Variants in KCNG3 observed in about 807,000 individuals in gnomAD.
KCNG3 encodes the protein voltage-gated potassium channel regulatory subunit KCNG3.
A neutral mutation model predicts 29.0 loss-of-function variants in KCNG3; 15 were observed. The ratio of observed to expected loss-of-function variants is 0.52; its 90% CI spans 0.35 to 0.80. The LOEUF (loss-of-function observed/expected upper bound fraction) is 0.80, where lower values mean the gene tolerates loss of function less well. Ranked by LOEUF, KCNG3 falls within the 30% of genes least tolerant of loss-of-function variation. The pLI is 0.01. For synonymous variants in KCNG3, 322 were observed against 248.9 expected, an observed-to-expected ratio of 1.29 and a Z score of -2.76; for missense variants, 512 against 605.7, an observed-to-expected ratio of 0.85 and a Z score of 1.62.
chr2:42,404,149 T>G, the KCNG3 span, among the ~76,000 whole-genome samples: 1 of 152,226 alleles, frequency 6.6e-6, no homozygotes, highest in Non-Finnish European at 1.5e-5. Context: ...CCTAGTCAGT[T>G]AATTTTATTA....
chr2:42,480,898 A>T (rs560317130), intron 1 of KCNG3, among the ~76,000 whole-genome samples: 1 of 151,858 alleles, frequency 6.6e-6, no homozygotes, highest in East Asian at 1.9e-4. Flanking sequence ...TTTGTGCCTC[A>T]GTCTCCCTAG....
chr2:42,444,764 T>C lies in KCNG3; in HGVS notation c.666-185A>G, dbSNP rs1359082656. Among the ~76,000 whole-genome samples the C allele has an allele frequency of 6.6e-6, 1 of 152,008 alleles. No homozygotes were observed. Among genetic ancestry groups the C allele is most frequent in the Non-Finnish European group, 1.5e-5 (1 of 68,004 alleles). ...TGCACGCAACAGAACAACAAATCAA[T>C]TCAGATGAAAATTGAGACCAGGTGC... On this transcript the variant is annotated intron_variant, in intron 1 of 1. Transcript: ENST00000306078. This position sits in a 1 kb window ranked among gnomAD's most constrained non-coding sequence, Gnocchi z 5.8.
At chr2:42,430,846 A>G in the KCNG3 span, among the ~76,000 whole-genome samples, 2 of 152,192 alleles carry the variant, frequency 1.3e-5, no homozygotes, top group African/African-American at 4.8e-5. Flanking sequence ...GTGGTGGCTC[A>G]CACATGTAAT....
At chr2:42,473,606 T>A (rs1205486024) in intron 1 of KCNG3, among the ~76,000 whole-genome samples, 1 of 152,036 alleles carries the variant, frequency 6.6e-6, no homozygotes, top group Non-Finnish European at 1.5e-5. Flanking sequence ...TGCCTCAGCC[T>A]CCCAAAGTGC....
At chr2:42,462,482 G>C (rs1362605642) in intron 1 of KCNG3, among the ~76,000 whole-genome samples, 1 of 152,112 alleles carries the variant, frequency 6.6e-6, no homozygotes, top group East Asian at 1.9e-4. Context: ...AGGAGTTGGA[G>C]ACCAGCCTGG....
At chr2:42,492,201 G>T (rs1459054584) in intron 1 of KCNG3, among the ~76,000 whole-genome samples, 2 of 152,086 alleles carry the variant, frequency 1.3e-5, no homozygotes, top group African/African-American at 4.8e-5. Context: ...TCTGAAAGTC[G>T]CAGTGTGAAT....
the KCNG3 span, among the ~76,000 whole-genome samples, chr2:42,430,747 C>G: frequency 2.0e-5 from 3 of 152,108 alleles, no homozygotes; most frequent in Non-Finnish European, 1.5e-5. Flanking sequence ...TTATGAAATT[C>G]TGTTTCAAAA....
At chr2:42,475,607 G>A (rs1164630051) in intron 1 of KCNG3, among the ~76,000 whole-genome samples, 1 of 150,134 alleles carries the variant, frequency 6.7e-6, no homozygotes, top group Non-Finnish European at 1.5e-5. Context: ...TGTGATTACA[G>A]GCATGAGCTG....
At chr2:42,404,939 C>A in the KCNG3 span, among the ~76,000 whole-genome samples, 1 of 152,176 alleles carries the variant, frequency 6.6e-6, no homozygotes, top group Non-Finnish European at 1.5e-5. Flanking sequence ...ACTCCCCAGA[C>A]CCCCAAAGCC....
At chr2:42,402,444 G>A in the KCNG3 span, among the ~76,000 whole-genome samples, 2,273 of 152,310 alleles carry the variant, frequency 0.015, 32 homozygotes, top group Non-Finnish European at 0.024. Context: ...CCAGCACTTT[G>A]GGAGGCCAAG....
chr2:42,428,458 GGAAAAAA>G, the KCNG3 span, among the ~76,000 whole-genome samples: 25 of 104,526 alleles, frequency 2.4e-4, no homozygotes, highest in South Asian at 1.0e-3. Context: ...CCCGGTCTCG[GGAAAAAA>G]AAAAAAAAAA....
chr2:42,493,508 C>G lies in KCNG3; in HGVS notation c.-7G>C. 2 of 1,366,928 alleles carry G rather than the reference C, an allele frequency of 1.5e-6. No homozygotes were observed. Among genetic ancestry groups the G allele is most frequent in the South Asian group, 1.8e-5 (1 of 55,198 alleles). 84.7% of individuals were successfully genotyped at this position (1,366,928 alleles called of 1,614,324 possible). ...CGCTGCGCCCGAAGGTCATGGCTGGCCGCCCGGGGGACTTTCGGCCCGAGG... is the reference window on the plus strand; with the variant it reads ...CGCTGCGCCCGAAGGTCATGGCTGGGCGCCCGGGGGACTTTCGGCCCGAGG... On this transcript the variant is annotated 5_prime_UTR_variant, in exon 1 of 2. Coordinates refer to ENST00000306078, the MANE Select transcript of KCNG3 (RefSeq NM_133329.6).
chr2:42,463,835 G>A lies in KCNG3; in HGVS notation c.666-19256C>T. The A allele has an allele frequency of 1.6e-5, 4 of 245,878 alleles. No individual in the cohort carries two copies. In the South Asian group the frequency reaches 1.8e-4, roughly 11 times the overall value. The allele number at this position is 245,878 out of a possible 1,614,324, so 15.2% of individuals were successfully genotyped here. A position where few individuals can be genotyped will look rare whatever the true frequency, so the allele number is the denominator to read the frequency against. ...TCTGTACTTGGTTCGCAGGCTGCCA[G>A]TCACTTTGGTGGCCTCAGTGTTGGC... On this transcript the variant is annotated intron_variant, in intron 1 of 1. Transcript: ENST00000306078.
chr2:42,390,115 T>C, the KCNG3 span, among the ~76,000 whole-genome samples: 1 of 152,316 alleles, frequency 6.6e-6, no homozygotes. Context: ...CATGTGAATG[T>C]CATGCAGGAA....
chr2:42,433,608 G>A, the KCNG3 span, among the ~76,000 whole-genome samples: 94 of 152,156 alleles, frequency 6.2e-4, 1 homozygote, highest in African/African-American at 1.6e-3. Flanking sequence ...GCGTGGTAGC[G>A]CACCCCTGTA....
At chr2:42,491,897 G>A (rs1000248141) in intron 1 of KCNG3, among the ~76,000 whole-genome samples, 2 of 152,198 alleles carry the variant, frequency 1.3e-5, no homozygotes, top group Non-Finnish European at 2.9e-5. Context: ...GTGTCAAACA[G>A]ATAAACTATA....
At chr2:42,405,510 C>T in the KCNG3 span, among the ~76,000 whole-genome samples, 1 of 151,806 alleles carries the variant, frequency 6.6e-6, no homozygotes, top group South Asian at 2.1e-4. Context: ...GTGATCTCAG[C>T]TCACTGCAGC....
chr2:42,477,197 A>G (rs1029879441), intron 1 of KCNG3, among the ~76,000 whole-genome samples: 3 of 150,958 alleles, frequency 2.0e-5, no homozygotes, highest in African/African-American at 4.9e-5. Context: ...GTTTCAAAAA[A>G]AAAAAAGAAA....
intron 1 of KCNG3, among the ~76,000 whole-genome samples, chr2:42,483,952 C>G (rs1053763751): frequency 1.4e-4 from 22 of 152,060 alleles, no homozygotes; most frequent in African/African-American, 5.3e-4. Context: ...TCACCACACC[C>G]GGCTAAATTT....
Sources: gnomAD v4.1 joint callset for allele counts (sites outside exome capture counted in the v4.1 genomes callset) on GRCh38, gnomAD v4.1.1 for gene constraint, Gnocchi (gnomAD v3.1) non-coding constraint, MANE v1.5 for transcripts, NCBI Gene and HGNC (gene_info 2026-07-23, HGNC 2026-07-21) for gene names.